Variants in CPPED1 observed in about 807,000 individuals in gnomAD.
CPPED1 encodes calcineurin like phosphoesterase domain containing 1, also known as serine/threonine-protein phosphatase CPPED1.
CPPED1 carries 28 observed loss-of-function variants against 28.0 expected under a neutral mutation model. The ratio of observed to expected loss-of-function variants is 1.00; its 90% CI spans 0.74 to 1.37. CPPED1 has a LOEUF of 1.37. Ranked by LOEUF, CPPED1 falls within the 40% of genes most tolerant of loss-of-function variation. The probability of loss-of-function intolerance (pLI) is 0.00; values close to 1 mark genes in which losing one functional copy is unlikely to be tolerated. For synonymous variants in CPPED1, 198 were observed against 180.2 expected (o/e 1.10, Z -0.79); for missense variants, 504 against 416.5 (o/e 1.21, Z -1.83).
At chr16:12,725,511 C>T (rs2080165223) in intron 2 of CPPED1, among the ~76,000 whole-genome samples, 1 of 152,094 alleles carries the variant, frequency 6.6e-6, no homozygotes, top group Non-Finnish European at 1.5e-5. Flanking sequence ...TCCCTTTATT[C>T]CACCACAACC....
intron 2 of CPPED1, among the ~76,000 whole-genome samples, chr16:12,778,373 T>A (rs544032124): frequency 1.3e-5 from 2 of 150,350 alleles, no homozygotes; most frequent in Admixed American, 1.3e-4. Flanking sequence ...CCTCCTGGGT[T>A]CAAGCGATTC....
intron 2 of CPPED1, among the ~76,000 whole-genome samples, chr16:12,743,931 G>A (rs2080269432): frequency 6.6e-6 from 1 of 151,840 alleles, no homozygotes; most frequent in Non-Finnish European, 1.5e-5. Context: ...CGTGAGCCAG[G>A]GCGACAGAGC....
intron 2 of CPPED1, among the ~76,000 whole-genome samples, chr16:12,740,224 G>A (rs2865615): frequency 0.56 from 85,169 of 151,562 alleles, 24,061 homozygotes; most frequent in Admixed American, 0.63. Context: ...AGGTGGGCGG[G>A]TACCTGAGGT....
chr16:12,776,064 G>A (rs1005572889), intron 2 of CPPED1, among the ~76,000 whole-genome samples: 2 of 152,154 alleles, frequency 1.3e-5, no homozygotes, highest in South Asian at 4.1e-4. Flanking sequence ...ATCTTGAGAT[G>A]GAAACATTAT....
chr16:12,680,601 G>A (rs766664213), intron 3 of CPPED1, among the ~76,000 whole-genome samples: 1 of 152,170 alleles, frequency 6.6e-6, no homozygotes, highest in African/African-American at 2.4e-5. Context: ...GGAAGAAGGA[G>A]TCTTGTCTGC....
chr16:12,776,295 T>C (rs1038858419), intron 2 of CPPED1, among the ~76,000 whole-genome samples: 2 of 152,198 alleles, frequency 1.3e-5, no homozygotes, highest in Non-Finnish European at 1.5e-5. Flanking sequence ...TGCAGGTTCT[T>C]GTTGGACTTC....
intron 2 of CPPED1, among the ~76,000 whole-genome samples, chr16:12,712,951 G>T (rs898659996): frequency 2.6e-5 from 4 of 152,052 alleles, no homozygotes; most frequent in Non-Finnish European, 5.9e-5. Flanking sequence ...ACTAAAATTA[G>T]ATCTTGTTAA....
At chr16:12,773,049 A>G (rs972496978) in intron 2 of CPPED1, among the ~76,000 whole-genome samples, 1 of 152,246 alleles carries the variant, frequency 6.6e-6, no homozygotes, top group African/African-American at 2.4e-5. Flanking sequence ...AACTTAAGAA[A>G]AAACTCTTAG....
intron 2 of CPPED1, among the ~76,000 whole-genome samples, chr16:12,735,277 T>A (rs2080220723): frequency 6.6e-6 from 1 of 152,196 alleles, no homozygotes; most frequent in South Asian, 2.1e-4. Context: ...CAAGATCCAA[T>A]GGCCCCTTCC....
At chr16:12,701,351 T>C (rs1188056813) in intron 3 of CPPED1, among the ~76,000 whole-genome samples, 1 of 151,714 alleles carries the variant, frequency 6.6e-6, no homozygotes, top group African/African-American at 2.4e-5. Flanking sequence ...CTGGCCAACA[T>C]GGTGAAACCC....
intron 3 of CPPED1, among the ~76,000 whole-genome samples, chr16:12,690,662 CAA>C (rs748989286): frequency 8.3e-4 from 79 of 94,658 alleles, no homozygotes; most frequent in Middle Eastern, 0.012. Flanking sequence ...TAGTTTCTAC[CAA>C]AAAAAAAAAA....
chr16:12,778,511 G>T (rs1424886536), intron 2 of CPPED1, among the ~76,000 whole-genome samples: 1 of 151,960 alleles, frequency 6.6e-6, no homozygotes, highest in African/African-American at 2.4e-5. Flanking sequence ...CCTGACCTCA[G>T]GTGATCCGCC....
chr16:12,669,827 G>T (rs1466514396), intron 3 of CPPED1, among the ~76,000 whole-genome samples: 1 of 152,186 alleles, frequency 6.6e-6, no homozygotes, highest in Non-Finnish European at 1.5e-5. Context: ...TACAGAAGAT[G>T]AACCTGGAAC....
At position 12,704,627 on chromosome 16, in the gene CPPED1, C is replaced by T. The variant is rs374136858; in HGVS notation, c.712G>A (p.Ala238Thr). The T allele has an allele frequency of 8.1e-6, 13 of 1,607,006 alleles. No individual in the cohort carries two copies. Among genetic ancestry groups the T allele is most frequent in the East Asian group, 4.5e-5 (2 of 44,792 alleles). Residue 238 changes from alanine to threonine, a missense_variant, in exon 3 of 4, where the codon GCA (alanine) becomes ACA (threonine). Transcript: ENST00000381774. ...RKKLADKFIH[A>T]GVKVVFSGHY... is the part of the protein sequence containing the mutation. The stretch of plus-strand genomic sequence containing the variant: ...ACCCGTGGCCCGGGGCCTCTACCTG[C>T]GTGGATGAACTTGTCTGCCAACTTC...
In CPPED1 at chr16:12,704,667, G is replaced by C; in HGVS notation, c.672C>G (p.Ser224Arg). The change falls in exon 3 of 4, where the codon AGC (serine) becomes AGG (arginine). Residue 224 changes from serine (S) to arginine (R), a missense_variant. Physicochemically the swap from Ser to Arg is moderately radical, Grantham distance 110. Transcript: ENST00000381774. Reference sequence around the variant, plus strand: ...CTGCCAACTTCTTCCGAGTGGACTTGCTGAGGTTGAAGTAGTAGTCGTCGT... The same window carrying C: ...CTGCCAACTTCTTCCGAGTGGACTTCCTGAGGTTGAAGTAGTAGTCGTCGT... ...DEDDDYYFNLSKSTRKKLADK... is the reference protein window; with the variant it reads ...DEDDDYYFNLRKSTRKKLADK... The C allele has an allele frequency of 1.2e-6, 2 of 1,613,872 alleles. No individual in the cohort carries two copies. Among genetic ancestry groups the C allele is most frequent in the Non-Finnish European group, 1.7e-6 (2 of 1,179,752 alleles).
chr16:12,703,978 G>A (rs8050416), intron 3 of CPPED1, among the ~76,000 whole-genome samples: 2,723 of 152,240 alleles, frequency 0.018, 85 homozygotes, highest in African/African-American at 0.063. Context: ...AGCAAAAGAT[G>A]GGACTAAATC....
intron 1 of CPPED1, among the ~76,000 whole-genome samples, chr16:12,783,966 A>G (rs973057691): frequency 6.8e-6 from 1 of 147,134 alleles, no homozygotes; most frequent in Admixed American, 6.6e-5. Context: ...GTGTTGGCAG[A>G]AAGACTCTAA....
At chr16:12,751,828 T>C (rs888366012) in intron 2 of CPPED1, among the ~76,000 whole-genome samples, 25 of 152,224 alleles carry the variant, frequency 1.6e-4, no homozygotes, top group African/African-American at 6.0e-4. Context: ...TGTTTTTTTA[T>C]GCTTTTCAGT....
intron 1 of CPPED1, among the ~76,000 whole-genome samples, chr16:12,791,239 T>C (rs8049430): frequency 0.26 from 39,318 of 151,744 alleles, 6,564 homozygotes; most frequent in African/African-American, 0.47. Context: ...CAACAGGCCC[T>C]GGTGTGTGAT....
Sources: gnomAD v4.1 joint callset for allele counts (sites outside exome capture counted in the v4.1 genomes callset) on GRCh38, gnomAD v4.1.1 for gene constraint, MANE v1.5 for transcripts, NCBI Gene and HGNC (gene_info 2026-07-23, HGNC 2026-07-21) for gene names.